ADGRL3: variants seen among roughly 807,000 people sequenced by gnomAD.
ADGRL3 encodes calcium-independent alpha-latrotoxin receptor 3.
ADGRL3 carries 62 observed loss-of-function variants against 153.5 expected under a neutral mutation model. That is an observed-to-expected ratio of 0.40 (90% CI 0.33 to 0.50). ADGRL3 has a LOEUF of 0.50. Among genes scored for constraint, ADGRL3 ranks in the 20% least tolerant of loss-of-function variants. ADGRL3 has a pLI of 0.47. For synonymous variants in ADGRL3, 710 were observed against 672.5 expected, an observed-to-expected ratio of 1.06 and a Z score of -0.86; for missense variants, 1,641 against 1,859.4, an observed-to-expected ratio of 0.88 and a Z score of 2.16.
chr4:61,252,690 C>CTTT (rs5858685), intron 1 of ADGRL3, among the ~76,000 whole-genome samples: 15 of 148,014 alleles, frequency 1.0e-4, no homozygotes, highest in Non-Finnish European at 1.8e-4. Context: ...ATTAGATGAA[C>CTTT]TTTTTTTTTT....
rs762576310 is a variant in ADGRL3 at position 62,031,496 on chromosome 4, C to A, written c.3477C>A (p.Ala1159=). The A allele has an allele frequency of 6.2e-7, 1 of 1,610,974 alleles. No homozygotes were observed. Among genetic ancestry groups the A allele is most frequent in the South Asian group, 1.1e-5 (1 of 90,954 alleles). The part of the protein sequence containing the change: ...ALLCLLGLTW[A]FGLMYINEST... ...TCTGCCTATTAGGATTGACCTGGGC[C>A]TTTGGACTCATGTATATTAATGAAA... The change falls in exon 23 of 27, where the codon GCC becomes GCA. Residue 1159 remains alanine, a synonymous_variant. Transcript: ENST00000683033.
At chr4:61,478,231 T>G (rs1469310990) in intron 2 of ADGRL3, among the ~76,000 whole-genome samples, 3 of 152,084 alleles carry the variant, frequency 2.0e-5, no homozygotes, top group Non-Finnish European at 2.9e-5. Context: ...TTCTAATAAT[T>G]TTAGATCTTC....
intron 9 of ADGRL3, among the ~76,000 whole-genome samples, chr4:61,833,405 T>G (rs1248616462): frequency 1.3e-5 from 2 of 152,148 alleles, no homozygotes; most frequent in Non-Finnish European, 2.9e-5. Context: ...GACTGGAGTT[T>G]TATTACTCAA....
intron 2 of ADGRL3, among the ~76,000 whole-genome samples, chr4:61,483,564 C>G (rs2098154974): frequency 6.6e-6 from 1 of 151,816 alleles, no homozygotes; most frequent in Admixed American, 6.6e-5. Context: ...ATGGAGAAAC[C>G]CCATCTCTAC....
chr4:61,982,550 C>G lies in ADGRL3; in HGVS notation c.3016-833C>G, dbSNP rs1222528487. Among the ~76,000 whole-genome samples, 5 of 152,146 alleles carry G rather than the reference C, an allele frequency of 3.3e-5. No individual in the cohort carries two copies. In the East Asian group the frequency reaches 9.7e-4, roughly 29 times the overall value. On this transcript the variant is annotated intron_variant, in intron 18 of 26. Coordinates refer to ENST00000683033, the MANE Select transcript of ADGRL3 (RefSeq NM_001387552.1). ...TCTAGTAGCAGTTATAGATTTTAGT[C>G]AGGGTTTCCTATAAGGAAGAATAAC...
intron 19 of ADGRL3, among the ~76,000 whole-genome samples, chr4:61,995,500 G>A (rs2099118573): frequency 6.6e-6 from 1 of 151,838 alleles, no homozygotes; most frequent in Non-Finnish European, 1.5e-5. Flanking sequence ...CCTCAATTAT[G>A]GCAAAATGGC....
At chr4:61,584,847 TAA>T (rs1029486377) in intron 4 of ADGRL3, among the ~76,000 whole-genome samples, 13 of 152,076 alleles carry the variant, frequency 8.5e-5, no homozygotes, top group African/African-American at 3.1e-4. Context: ...TTCTATTATA[TAA>T]GACTTTAAAT....
intron 6 of ADGRL3, among the ~76,000 whole-genome samples, chr4:61,729,135 A>T (rs2096397725): frequency 1.3e-5 from 2 of 152,098 alleles, no homozygotes; most frequent in South Asian, 4.1e-4. Context: ...GATCAGTCAT[A>T]CTCCAAACCT....
intron 1 of ADGRL3, among the ~76,000 whole-genome samples, chr4:61,210,067 T>A (rs1444042588): frequency 6.6e-6 from 1 of 152,174 alleles, no homozygotes; most frequent in African/African-American, 2.4e-5. Context: ...AATTTTAGAA[T>A]TGACATATGT....
At chr4:61,907,662 G>C (rs920812618) in intron 11 of ADGRL3, among the ~76,000 whole-genome samples, 1 of 151,194 alleles carries the variant, frequency 6.6e-6, no homozygotes, top group Non-Finnish European at 1.5e-5. Context: ...TATGATATAT[G>C]ATAAAAAGAG....
intron 12 of ADGRL3, among the ~76,000 whole-genome samples, chr4:61,911,264 A>G (rs1210420192): frequency 6.6e-6 from 1 of 152,210 alleles, no homozygotes; most frequent in Non-Finnish European, 1.5e-5. Context: ...GTCTGACAAT[A>G]TCAGGTAAAG....
At chr4:61,571,733 A>G (rs980095898) in intron 4 of ADGRL3, among the ~76,000 whole-genome samples, 3 of 152,202 alleles carry the variant, frequency 2.0e-5, no homozygotes, top group African/African-American at 7.2e-5. Flanking sequence ...TAGAACATTG[A>G]CTAATCATTT....
chr4:61,456,411 A>ATAGATATATCTATATCTATATC (rs2097748002), intron 2 of ADGRL3, among the ~76,000 whole-genome samples: 6 of 57,722 alleles, frequency 1.0e-4, no homozygotes, highest in Middle Eastern at 7.8e-3. Context: ...ATCTATATAT[A>ATAGATATATCTATATCTATATC]TATAGATATA....
At position 61,719,329 on chromosome 4, in the gene ADGRL3, A is replaced by C. The variant is rs943704753; in HGVS notation, c.584-11293A>C. Among the ~76,000 whole-genome samples, 4 of 152,284 alleles carry C rather than the reference A, an allele frequency of 2.6e-5. No homozygotes were observed. The South Asian group carries it at 8.3e-4, about 32-fold the overall frequency. On this transcript the variant is annotated intron_variant, in intron 6 of 26. Coordinates refer to ENST00000683033, the MANE Select transcript of ADGRL3 (RefSeq NM_001387552.1). The stretch of plus-strand genomic sequence containing the variant: ...AGTGGAAAATAAGTAGAAACCATTC[A>C]CTATCCAATTAAGTATATTTGGTTA...
chr4:61,525,241 C>T (rs572660460), intron 4 of ADGRL3, among the ~76,000 whole-genome samples: 1 of 152,080 alleles, frequency 6.6e-6, no homozygotes, highest in South Asian at 2.1e-4. Context: ...TTAATTAACT[C>T]TTGAGAAAAA....
intron 9 of ADGRL3, among the ~76,000 whole-genome samples, chr4:61,855,256 G>A (rs1027787753): frequency 6.6e-6 from 1 of 152,146 alleles, no homozygotes; most frequent in Non-Finnish European, 1.5e-5. Context: ...CAAGTTTTGT[G>A]TAATAAACTA....
intron 13 of ADGRL3, among the ~76,000 whole-genome samples, chr4:61,915,319 A>T (rs1478117147): frequency 6.7e-6 from 1 of 148,774 alleles, no homozygotes; most frequent in Non-Finnish European, 1.5e-5. Context: ...AATATATATC[A>T]ATATATATCT....
At chr4:61,637,455 T>C (rs149125020) in intron 5 of ADGRL3, among the ~76,000 whole-genome samples, 1 of 152,276 alleles carries the variant, frequency 6.6e-6, no homozygotes, top group African/African-American at 2.4e-5. Flanking sequence ...AGGAAACTAA[T>C]ATGGGCATAA....
intron 8 of ADGRL3, among the ~76,000 whole-genome samples, chr4:61,781,372 A>G (rs971364928): frequency 6.6e-6 from 1 of 151,926 alleles, no homozygotes; most frequent in Non-Finnish European, 1.5e-5. Context: ...AAGAAAAAAG[A>G]AAGTGTTGTC....
Sources: gnomAD v4.1 joint callset for allele counts (sites outside exome capture counted in the v4.1 genomes callset) on GRCh38, gnomAD v4.1.1 for gene constraint, MANE v1.5 for transcripts, NCBI Gene and HGNC (gene_info 2026-07-23, HGNC 2026-07-21) for gene names.